The following THADA variants were observed in gnomAD, a reference collection of about 807,000 sequenced individuals.
The protein encoded by THADA is THADA armadillo repeat containing.
In THADA, 213 loss-of-function variants were observed where a neutral mutation model predicts 219.8. That is an observed-to-expected ratio of 0.97 (90% CI 0.87 to 1.09). The LOEUF (loss-of-function observed/expected upper bound fraction) is 1.09. Among genes scored for constraint, THADA ranks in the 50% least tolerant of loss-of-function variants. The probability of loss-of-function intolerance (pLI) is 0.00; values close to 1 mark genes in which losing one functional copy is unlikely to be tolerated. For missense variants in THADA, 2,956 were observed against 2,311.3 expected, an observed-to-expected ratio of 1.28 and a Z score of -5.72; for synonymous variants, 1,018 against 828.9, an observed-to-expected ratio of 1.23 and a Z score of -3.92.
At chr2:43,579,437 T>A (rs1700184225) in intron 8 of THADA, among the ~76,000 whole-genome samples, 1 of 152,230 alleles carries the variant, frequency 6.6e-6, no homozygotes, top group Admixed American at 6.5e-5. Flanking sequence ...TTTTGTTTTA[T>A]CTCTATTAGC....
intron 31 of THADA, among the ~76,000 whole-genome samples, chr2:43,316,440 C>G (rs1678091383): frequency 6.6e-6 from 1 of 152,164 alleles, no homozygotes; most frequent in South Asian, 2.1e-4. Context: ...GTCAGAGGGA[C>G]AGGGGCAACC....
intron 36 of THADA, among the ~76,000 whole-genome samples, chr2:43,257,418 G>A (rs1254720851): frequency 6.6e-6 from 1 of 152,202 alleles, no homozygotes; most frequent in Non-Finnish European, 1.5e-5. Context: ...GGAGAGAGGA[G>A]GCTTCTCCCG....
chr2:43,519,639 G>A (rs138651824), intron 22 of THADA, among the ~76,000 whole-genome samples: 30 of 152,210 alleles, frequency 2.0e-4, no homozygotes, highest in Middle Eastern at 3.4e-3. Context: ...CAGTAACTGT[G>A]GCCTACCATA....
chr2:43,266,928 G>A (rs1435405343), intron 36 of THADA, among the ~76,000 whole-genome samples: 1 of 152,188 alleles, frequency 6.6e-6, no homozygotes, highest in East Asian at 1.9e-4. Context: ...CCTTCTAAGT[G>A]TGGCTCCCTC....
chr2:43,263,720 T>C (rs1160864298), intron 36 of THADA, among the ~76,000 whole-genome samples: 1 of 152,216 alleles, frequency 6.6e-6, no homozygotes, highest in Non-Finnish European at 1.5e-5. Flanking sequence ...CTGTTAGCTA[T>C]ATTACACTAT....
intron 34 of THADA, 133 bp downstream of exon 34, chr2:43,291,563 A>G (rs943423557): frequency 8.4e-6 from 4 of 474,872 alleles, no homozygotes; most frequent in South Asian, 1.1e-4. Flanking sequence ...AGCACGAACA[A>G]TATTTCTGTA....
chr2:43,477,307 A>C (rs542696376), intron 26 of THADA, among the ~76,000 whole-genome samples: 1 of 152,298 alleles, frequency 6.6e-6, no homozygotes, highest in South Asian at 2.1e-4. Context: ...ATTTAGGGAA[A>C]TGCTCATACT....
chr2:43,413,005 CAG>C (rs2104765074), intron 28 of THADA, among the ~76,000 whole-genome samples: 1 of 152,152 alleles, frequency 6.6e-6, no homozygotes, highest in African/African-American at 2.4e-5. Flanking sequence ...TCAATACACA[CAG>C]GGAAAAAAGA....
chr2:43,349,440 T>C (rs1573202841), intron 29 of THADA, among the ~76,000 whole-genome samples: 1 of 152,190 alleles, frequency 6.6e-6, no homozygotes, highest in Non-Finnish European at 1.5e-5. Context: ...GGCAGTTCCC[T>C]GAAAAAACTT....
chr2:43,572,739 A>T, intron 12 of THADA, 75 bp downstream of exon 12: 1 of 1,330,494 alleles, frequency 7.5e-7, no homozygotes. Flanking sequence ...GATACAATGT[A>T]GGGGCCTCTA....
At chr2:43,489,558 T>C (rs559793842) in intron 25 of THADA, among the ~76,000 whole-genome samples, 61 of 152,276 alleles carry the variant, frequency 4.0e-4, no homozygotes, top group Admixed American at 2.3e-3. Flanking sequence ...CATCTGAATA[T>C]GGTATGAGAT....
chr2:43,388,259 A>G (rs564114390), intron 29 of THADA, among the ~76,000 whole-genome samples: 1 of 152,322 alleles, frequency 6.6e-6, no homozygotes, highest in Non-Finnish European at 1.5e-5. Context: ...TTTTACAGGG[A>G]TTCTAGGAAA....
At chr2:43,329,200 A>G (rs1296930390) in intron 30 of THADA, among the ~76,000 whole-genome samples, 3 of 152,256 alleles carry the variant, frequency 2.0e-5, no homozygotes, top group African/African-American at 7.2e-5. Context: ...TGTGCTAGGA[A>G]TTATGGGAGA....
chr2:43,252,008 G>A (rs1051002315), intron 36 of THADA, among the ~76,000 whole-genome samples: 1 of 152,028 alleles, frequency 6.6e-6, no homozygotes, highest in Non-Finnish European at 1.5e-5. Context: ...TGACTTGGAC[G>A]GAATAGCAAA....
intron 36 of THADA, among the ~76,000 whole-genome samples, chr2:43,256,477 C>G (rs901721218): frequency 6.6e-6 from 1 of 151,920 alleles, no homozygotes; most frequent in Non-Finnish European, 1.5e-5. Context: ...GGCATGATCA[C>G]GGCTCACTGC....
At chr2:43,434,122 T>C (rs2104835225) in intron 26 of THADA, among the ~76,000 whole-genome samples, 1 of 152,256 alleles carries the variant, frequency 6.6e-6, no homozygotes, top group Admixed American at 6.5e-5. Context: ...CTCATGTAAT[T>C]AGGACTATGA....
At chr2:43,558,215 T>C (rs553155416) in intron 16 of THADA, among the ~76,000 whole-genome samples, 2 of 152,290 alleles carry the variant, frequency 1.3e-5, no homozygotes, top group East Asian at 3.9e-4. Context: ...AGTCAAGCTA[T>C]TTATGAGAAA....
intron 30 of THADA, among the ~76,000 whole-genome samples, chr2:43,339,125 G>GT (rs1486487947): frequency 3.3e-5 from 5 of 152,116 alleles, no homozygotes; most frequent in African/African-American, 1.2e-4. Flanking sequence ...ATGGATTGTG[G>GT]TAAGAATAGA....
At chr2:43,372,311 T>G (rs1391536143) in intron 29 of THADA, 1 of 152,230 alleles carries the variant, frequency 6.6e-6, no homozygotes, top group African/African-American at 2.4e-5. Context: ...GTTTCTGTTC[T>G]GAACCTGATA....
Sources: allele counts gnomAD v4.1 joint callset (sites outside exome capture counted in the v4.1 genomes callset), GRCh38; gene constraint gnomAD v4.1.1; transcripts MANE v1.5; gene names NCBI Gene and HGNC (gene_info 2026-07-23, HGNC 2026-07-21).